The following STRN3 variants were observed in gnomAD, a reference collection of about 807,000 sequenced individuals.
STRN3 encodes the protein striatin-3.
Under a neutral mutation model 95.6 loss-of-function variants are expected in STRN3, and 29 were observed. The observed-to-expected ratio is 0.30, with a 90% confidence interval of 0.23 to 0.41. STRN3 has a LOEUF of 0.41. Among genes scored for constraint, STRN3 ranks in the 10% least tolerant of loss-of-function variants. The pLI is 1.00. For synonymous variants in STRN3, 331 were observed against 357.6 expected, an observed-to-expected ratio of 0.93 and a Z score of 0.84; for missense variants, 890 against 972.1, an observed-to-expected ratio of 0.92 and a Z score of 1.12.
At chr14:31,001,443 G>A (rs1349888600) in intron 1 of STRN3, among the ~76,000 whole-genome samples, 4 of 151,910 alleles carry the variant, frequency 2.6e-5, no homozygotes, top group Non-Finnish European at 5.9e-5. Flanking sequence ...GGTTAAAGCG[G>A]AAGAATCACT....
intron 9 of STRN3, among the ~76,000 whole-genome samples, chr14:30,918,430 C>T (rs912219545): frequency 1.3e-5 from 2 of 151,722 alleles, no homozygotes; most frequent in African/African-American, 2.4e-5. Context: ...ACTCGCTTGA[C>T]CCCAGGAGGC....
At position 30,911,072 on chromosome 14, in the gene STRN3, C is replaced by G; in HGVS notation, c.1689G>C (p.Pro563=). 1.2e-6 allele frequency: 2 copies of G among 1,613,986 alleles called. No individual in the cohort carries two copies. Among genetic ancestry groups the G allele is most frequent in the Non-Finnish European group, 1.7e-6 (2 of 1,179,968 alleles). The change falls in exon 13 of 18, where the codon CCG becomes CCC. Residue 563 remains proline, a synonymous_variant. Transcript: ENST00000357479. ...IDATIQWWNM[P]SPSVDPYDTY... ...TATCATATGGATCTACACTGGGACT[C>G]GGCATATTCCACCACTGGATGGTTG...
chr14:31,009,960 G>A (rs981326105), intron 1 of STRN3, among the ~76,000 whole-genome samples: 9 of 152,010 alleles, frequency 5.9e-5, no homozygotes, highest in Admixed American at 5.3e-4. Flanking sequence ...TTAAGTAGCT[G>A]GGCATGATGG....
intron 8 of STRN3, among the ~76,000 whole-genome samples, chr14:30,922,950 A>G (rs1463525033): frequency 6.6e-6 from 1 of 152,228 alleles, no homozygotes; most frequent in Non-Finnish European, 1.5e-5. Context: ...AAGGACATGA[A>G]TGTTTGTTTT....
chr14:30,906,790 T>C (rs1160749831), intron 14 of STRN3, 87 bp downstream of exon 14: 1 of 1,313,286 alleles, frequency 7.6e-7, no homozygotes, highest in African/African-American at 1.5e-5. Flanking sequence ...TTTGGAACAG[T>C]AAAGAAATAC....
intron 7 of STRN3, 87 bp from the exon 8 acceptor site, chr14:30,929,398 C>T: frequency 9.8e-7 from 1 of 1,021,540 alleles, no homozygotes; most frequent in Non-Finnish European, 1.5e-6. Context: ...TTTACATAAT[C>T]ATAATAAAAT....
chr14:30,913,336 T>TA lies in STRN3; in HGVS notation c.1374+187dup, dbSNP rs200880015. ...CTTCTAGTTAATCCACCAAAATACCTAAAAAAAAAATTTAAATACCACAAA... is the reference window on the plus strand; with the variant it reads ...CTTCTAGTTAATCCACCAAAATACCTAAAAAAAAAAATTTAAATACCACAAA... On this transcript the variant is annotated intron_variant, in intron 10 of 17. Coordinates refer to ENST00000357479, the MANE Select transcript of STRN3 (RefSeq NM_001083893.2). Among the ~76,000 whole-genome samples the TA allele has an allele frequency of 9.1e-3, 1,362 of 148,888 alleles. 19 individuals carry two copies. Among genetic ancestry groups the TA allele is most frequent in the African/African-American group, 0.032 (1,303 of 40,690 alleles).
chr14:30,950,374 A>G (rs1191019316), intron 4 of STRN3, among the ~76,000 whole-genome samples: 1 of 152,122 alleles, frequency 6.6e-6, no homozygotes, highest in Non-Finnish European at 1.5e-5. Context: ...TATAAGGAAA[A>G]TAATACATGA....
chr14:30,953,490 C>T lies in STRN3; in HGVS notation c.460+2130G>A, dbSNP rs114440490. ...GCTAACATATCACAATGTACTTATC[C>T]ATTTATTCTAATTCTGAAGACTGTT... On this transcript the variant is annotated intron_variant, in intron 3 of 17. Coordinates refer to ENST00000357479, the MANE Select transcript of STRN3 (RefSeq NM_001083893.2). Among the ~76,000 whole-genome samples the T allele has an allele frequency of 5.8e-3, 888 of 152,258 alleles. 8 individuals are homozygous for T. Among genetic ancestry groups the T allele is most frequent in the African/African-American group, 0.02 (844 of 41,542 alleles).
At chr14:30,980,326 C>T (rs760343314) in intron 1 of STRN3, among the ~76,000 whole-genome samples, 3 of 152,128 alleles carry the variant, frequency 2.0e-5, no homozygotes, top group Non-Finnish European at 2.9e-5. Flanking sequence ...AGGTCACCAG[C>T]GTAAAACTTT....
At position 31,026,292 on chromosome 14, in the gene STRN3, G is replaced by A; in HGVS notation, c.-107C>T. The A allele has an allele frequency of 7.3e-6, 9 of 1,237,920 alleles. No individual in the cohort carries two copies. In the South Asian group the frequency reaches 1.9e-4, roughly 25 times the overall value. 76.7% of individuals were successfully genotyped at this position (1,237,920 alleles called of 1,614,324 possible). On this transcript the variant is annotated 5_prime_UTR_variant, in exon 1 of 18. Transcript: ENST00000357479. Reference sequence around the variant, plus strand: ...TGCGGGGCGGAGGCCGGCCGGGAGAGGGGCGGGGAAGGGGTCGTTGCTGTG... The same window carrying A: ...TGCGGGGCGGAGGCCGGCCGGGAGAAGGGCGGGGAAGGGGTCGTTGCTGTG...
At chr14:30,959,049 G>A (rs1880058166) in intron 1 of STRN3, among the ~76,000 whole-genome samples, 1 of 152,166 alleles carries the variant, frequency 6.6e-6, no homozygotes, top group Non-Finnish European at 1.5e-5. Flanking sequence ...GGACTAGGGT[G>A]GGCATGGTGG....
rs1194982908 is a variant in STRN3, at chr14:31,002,186, AAAC to A, written c.282+23715_282+23717del. 7.7e-5 allele frequency among the ~76,000 whole-genome samples: 11 copies of A among 142,102 alleles called. 2 individuals are homozygous for A. The highest frequency in any genetic ancestry group is 2.2e-4 in the African/African-American group (8 of 36,698). 93.2% of individuals were successfully genotyped at this position (142,102 alleles called of 152,430 possible). ...CATCTCAAAAAAAAAAAAAAAAAAAAAACAAGGCCAGGCGTGGTGGCTCACACC... is the reference window on the plus strand; with the variant it reads ...CATCTCAAAAAAAAAAAAAAAAAAAAAAGGCCAGGCGTGGTGGCTCACACC... On this transcript the variant is annotated intron_variant, in intron 1 of 17. Transcript: ENST00000357479.
chr14:31,024,292 G>C (rs577302392), intron 1 of STRN3, among the ~76,000 whole-genome samples: 7 of 152,182 alleles, frequency 4.6e-5, no homozygotes, highest in African/African-American at 1.7e-4. Context: ...AGGCCTTACT[G>C]CATTTGTCAA....
chr14:31,024,107 G>A (rs1336201301), intron 1 of STRN3, among the ~76,000 whole-genome samples: 4 of 152,096 alleles, frequency 2.6e-5, no homozygotes, highest in African/African-American at 7.2e-5. Context: ...TATAGTATAG[G>A]TTTTACTAAT....
intron 5 of STRN3, among the ~76,000 whole-genome samples, chr14:30,940,104 A>C (rs574354362): frequency 6.6e-6 from 1 of 152,032 alleles, no homozygotes; most frequent in Non-Finnish European, 1.5e-5. Flanking sequence ...AGAACTGTAC[A>C]TCTCCTTTCA....
chr14:30,962,134 AAT>A (rs1391533531), intron 1 of STRN3, among the ~76,000 whole-genome samples: 6 of 152,222 alleles, frequency 3.9e-5, no homozygotes, highest in African/African-American at 1.4e-4. Flanking sequence ...GGCATAGGTT[AAT>A]ATGTGTGTTT....
chr14:30,904,309 GC>G (rs1164733893), intron 15 of STRN3, among the ~76,000 whole-genome samples: 1 of 152,138 alleles, frequency 6.6e-6, no homozygotes, highest in African/African-American at 2.4e-5. Flanking sequence ...CACTGAGTAA[GC>G]CCCACTGGCC....
intron 13 of STRN3, among the ~76,000 whole-genome samples, chr14:30,909,256 A>T (rs1226504563): frequency 6.6e-6 from 1 of 152,146 alleles, no homozygotes; most frequent in African/African-American, 2.4e-5. Flanking sequence ...TGTGATCCCA[A>T]TACTTTGGGA....
Sources: gnomAD v4.1 joint callset for allele counts (sites outside exome capture counted in the v4.1 genomes callset) on GRCh38, gnomAD v4.1.1 for gene constraint, MANE v1.5 for transcripts, NCBI Gene and HGNC (gene_info 2026-07-23, HGNC 2026-07-21) for gene names.